THAP1: variants seen among roughly 807,000 people sequenced by gnomAD.
THAP1 encodes the protein THAP domain-containing protein 1.
A neutral mutation model predicts 18.2 loss-of-function variants in THAP1; 6 were observed. The observed-to-expected ratio is 0.33, with a 90% CI of 0.18 to 0.65. The LOEUF (loss-of-function observed/expected upper bound fraction) is 0.65, where lower values mean the gene tolerates loss of function less well. Among genes scored for constraint, THAP1 ranks in the 30% least tolerant of loss-of-function variants. The probability of loss-of-function intolerance (pLI) is 0.74; values close to 1 mark genes in which losing one functional copy is unlikely to be tolerated. For missense variants in THAP1, 176 were observed against 253.0 expected (o/e 0.70, Z 2.06); for synonymous variants, 85 against 90.5 (o/e 0.94, Z 0.34).
rs1230555188 is a variant in THAP1, at chr8:42,837,912, G to A, written c.*50C>T. ...AAATGAAACTCCTTTACAGGCTAGA[G>A]GAGGATATGTGGTATTGCCCCATTA... On this transcript the variant is annotated 3_prime_UTR_variant, in exon 3 of 3. Transcript: ENST00000254250. The A allele has an allele frequency of 1.3e-6, 2 of 1,595,902 alleles. No individual in the cohort carries two copies. The highest frequency in any genetic ancestry group is 1.3e-5 in the African/African-American group (1 of 74,616).
chr8:42,842,929 C>A, intron 1 of THAP1, 95 bp downstream of exon 1: 7 of 1,022,334 alleles, frequency 6.8e-6, no homozygotes, highest in Non-Finnish European at 8.7e-6. Context: ...ACCCGCCCCT[C>A]GCGCGGACAC....
chr8:42,843,103 T>C lies in THAP1; in HGVS notation c.-9A>G. The C allele has an allele frequency of 6.2e-7, 1 of 1,613,538 alleles. No homozygotes were observed. The highest frequency in any genetic ancestry group is 8.5e-7 in the Non-Finnish European group (1 of 1,179,736). On this transcript the variant is annotated 5_prime_UTR_variant, in exon 1 of 3. Transcript: ENST00000254250. ...GAGCAGGACTGCACCATCCTTCCGG[T>C]CCTCAGGCACTTCACTTCTGCCGCC...
rs1250446695 is a variant in THAP1 at position 42,838,294 on chromosome 8, G to C, written c.310C>G (p.Pro104Ala). Residue 104 changes from proline (P) to alanine (A), a missense_variant, in exon 3 of 3, where the codon CCT becomes GCT. Coordinates refer to ENST00000254250, the MANE Select transcript of THAP1 (RefSeq NM_018105.3). ...LEPQEQLPPP[P>A]LPPPVSQVDA... ...ACCTGGGAAACAGGAGGCGGTAAAG[G>C]AGGTGGGGGAAGCTGTTCCTGTGGC... 6.2e-7 allele frequency: 1 copy of C among 1,614,070 alleles called. No homozygotes were observed.
At chr8:42,839,104 A>T in intron 2 of THAP1, 82 bp downstream of exon 2, 1 of 1,467,304 alleles carries the variant, frequency 6.8e-7, no homozygotes, top group Non-Finnish European at 9.5e-7. Flanking sequence ...TCTTAACACT[A>T]ACTCAATTTT....
Position 42,837,063 on chromosome 8 carries a change from T to G in THAP1, c.*899A>C, listed in dbSNP as rs1488989176. The G allele has an allele frequency of 6.6e-6, 1 of 152,238 alleles. No homozygotes were observed. Among genetic ancestry groups the G allele is most frequent in the Non-Finnish European group, 1.5e-5 (1 of 68,034 alleles). 9.4% of individuals were successfully genotyped at this position (152,238 alleles called of 1,614,324 possible). ...CCCAACTCAGTCAAGTGCAAGATTATCATATGATACAAATCAAACTCTACT... is the reference window on the plus strand; with the variant it reads ...CCCAACTCAGTCAAGTGCAAGATTAGCATATGATACAAATCAAACTCTACT... On this transcript the variant is annotated 3_prime_UTR_variant, in exon 3 of 3. Coordinates refer to ENST00000254250, the MANE Select transcript of THAP1 (RefSeq NM_018105.3).
chr8:42,838,135 C>T lies in THAP1; in HGVS notation c.469G>A (p.Glu157Lys). The T allele has an allele frequency of 6.2e-7, 1 of 1,614,166 alleles. No individual in the cohort carries two copies. The highest frequency in any genetic ancestry group is 8.5e-7 in the Non-Finnish European group (1 of 1,180,046). The change falls in exon 3 of 3, where the codon GAA (glutamate) becomes AAA (lysine). Residue 157 changes from glutamate (E) to lysine (K), a missense_variant. Transcript: ENST00000254250. The part of the protein sequence containing the change: ...KRIHQLEQQV[E>K]KLRKKLKTAQ... ...GTCTTGAGCTTCTTTCTGAGTTTTT[C>T]AACTTGCTGTTCTAGCTGATGAATC... is the stretch of plus-strand genomic sequence containing the variant.
Position 42,838,356 on chromosome 8 carries a change from T to C in THAP1, c.268-20A>G, listed in dbSNP as rs1389200269. On this transcript the variant is annotated intron_variant, in intron 2 of 2. Transcript: ENST00000254250. ...TTCTTTCTAAAACAAAAATACAAAG[T>C]ATGTTTGAATTTAGTAACTAAAAAC... is the stretch of plus-strand genomic sequence containing the variant. 3 of 1,612,082 alleles carry C rather than the reference T, an allele frequency of 1.9e-6. No individual in the cohort carries two copies. The South Asian group carries it at 3.3e-5, about 18-fold the overall frequency.
intron 1 of THAP1, among the ~76,000 whole-genome samples, chr8:42,841,490 T>C (rs1802717054): frequency 6.6e-6 from 1 of 152,046 alleles, no homozygotes; most frequent in African/African-American, 2.4e-5. Flanking sequence ...GATTTTGCCA[T>C]GTTGGCCAGG....
intron 2 of THAP1, 42 bp downstream of exon 2, chr8:42,839,144 T>C: frequency 6.2e-7 from 1 of 1,605,534 alleles, no homozygotes; most frequent in Non-Finnish European, 8.5e-7. Flanking sequence ...CACATCAGTT[T>C]GATAAACAAA....
Position 42,839,253 on chromosome 8 carries a change from C to A in THAP1, c.200G>T (p.Cys67Phe), listed in dbSNP as rs754896042. Reference sequence around the variant, plus strand: ...ATTCTCTTTCAGTAACTTGTTGTTGCACTCTCTCTTAAAGCAGTCTGGAGT... The same window carrying A: ...ATTCTCTTTCAGTAACTTGTTGTTGAACTCTCTCTTAAAGCAGTCTGGAGT... ...HFTPDCFKRE[C>F]NNKLLKENAV... The change falls in exon 2 of 3, where the codon TGC (cysteine) becomes TTC (phenylalanine). Residue 67 changes from cysteine to phenylalanine, a missense_variant. Coordinates refer to ENST00000254250, the MANE Select transcript of THAP1 (RefSeq NM_018105.3). The A allele has an allele frequency of 6.2e-7, 1 of 1,614,116 alleles. No homozygotes were observed. Among genetic ancestry groups the A allele is most frequent in the Non-Finnish European group, 8.5e-7 (1 of 1,180,006 alleles).
At chr8:42,839,578 C>T (rs904653440) in intron 1 of THAP1, among the ~76,000 whole-genome samples, 197 bp from the exon 2 acceptor site, 1 of 152,104 alleles carries the variant, frequency 6.6e-6, no homozygotes, top group African/African-American at 2.4e-5. Flanking sequence ...GAGATGCCGT[C>T]TTGCTCTGTT....
intron 1 of THAP1, 73 bp from the exon 2 acceptor site, chr8:42,839,454 T>C (rs749963096): frequency 1.7e-5 from 25 of 1,473,280 alleles, no homozygotes; most frequent in African/African-American, 8.4e-5. Flanking sequence ...CTTTCCAGCT[T>C]AGGAAATATC....
Position 42,838,277 on chromosome 8 carries a change from A to G in THAP1, c.327T>C (p.Val109=). The G allele has an allele frequency of 1.9e-6, 3 of 1,614,094 alleles. No individual in the cohort carries two copies. The highest frequency in any genetic ancestry group is 2.5e-6 in the Non-Finnish European group (3 of 1,179,956). ...ATCCAATAGCAGCATCAACCTGGGA[A>G]ACAGGAGGCGGTAAAGGAGGTGGGG... The part of the protein sequence containing the change: ...QLPPPPLPPP[V]SQVDAAIGLL... Residue 109 remains valine (V), a synonymous_variant, in exon 3 of 3, where the codon GTT becomes GTC. Transcript: ENST00000254250.
In THAP1 at chr8:42,838,029, T is replaced by C; in HGVS notation, c.575A>G (p.Asp192Gly). The C allele has an allele frequency of 6.2e-7, 1 of 1,613,862 alleles. No individual in the cohort carries two copies. The highest frequency in any genetic ancestry group is 2.2e-5 in the East Asian group (1 of 44,894). The change falls in exon 3 of 3, where the codon GAC (aspartate) becomes GGC (glycine). Residue 192 changes from aspartate (D) to glycine (G), a missense_variant. Physicochemically the swap from Asp to Gly is moderately conservative, Grantham distance 94. Transcript: ENST00000254250. ...AATCACATAACCTCTTTCTGATACG[T>C]CGTCTTTCTCTTTCTGGAAGTGAAC... ...EVVHFQKEKDDVSERGYVILP... is the reference protein window; with the variant it reads ...EVVHFQKEKDGVSERGYVILP...
chr8:42,839,756 A>T (rs1438297117), intron 1 of THAP1, among the ~76,000 whole-genome samples: 1 of 152,228 alleles, frequency 6.6e-6, no homozygotes, highest in East Asian at 1.9e-4. Context: ...CATGTTGGCC[A>T]GGATGGATTC....
At chr8:42,839,627 C>T (rs1304932220) in intron 1 of THAP1, among the ~76,000 whole-genome samples, 4 of 152,150 alleles carry the variant, frequency 2.6e-5, no homozygotes, top group African/African-American at 7.2e-5. Flanking sequence ...CGGCTCACTG[C>T]GTCTCCGCCT....
chr8:42,838,021 C>G lies in THAP1; in HGVS notation c.583G>C (p.Glu195Gln). The G allele has an allele frequency of 6.2e-7, 1 of 1,613,792 alleles. No homozygotes were observed. The highest frequency in any genetic ancestry group is 8.5e-7 in the Non-Finnish European group (1 of 1,179,954). ...HFQKEKDDVS[E>Q]RGYVILPNDY... Reference sequence around the variant, plus strand: ...TTTGGTAGAATCACATAACCTCTTTCTGATACGTCGTCTTTCTCTTTCTGG... The same window carrying G: ...TTTGGTAGAATCACATAACCTCTTTGTGATACGTCGTCTTTCTCTTTCTGG... The change falls in exon 3 of 3, where the codon GAA becomes CAA. Residue 195 changes from glutamate (E) to glutamine (Q), a missense_variant. Physicochemically the swap from Glu to Gln is conservative, Grantham distance 29. Coordinates refer to ENST00000254250, the MANE Select transcript of THAP1 (RefSeq NM_018105.3).
intron 1 of THAP1, among the ~76,000 whole-genome samples, chr8:42,841,557 G>A (rs1379541698): frequency 6.6e-6 from 1 of 152,104 alleles, no homozygotes; most frequent in Non-Finnish European, 1.5e-5. Flanking sequence ...CCCAAGTGCT[G>A]GGAATTACAG....
chr8:42,842,061 A>G (rs1347393032), intron 1 of THAP1, among the ~76,000 whole-genome samples: 3 of 152,200 alleles, frequency 2.0e-5, no homozygotes, highest in African/African-American at 7.2e-5. Flanking sequence ...ATAATTAGCT[A>G]ATTACCTATG....
Sources: allele counts gnomAD v4.1 joint callset (sites outside exome capture counted in the v4.1 genomes callset), GRCh38; gene constraint gnomAD v4.1.1; transcripts MANE v1.5; gene names NCBI Gene and HGNC (gene_info 2026-07-23, HGNC 2026-07-21).